Variants in HDAC9 observed in about 807,000 individuals in gnomAD.
HDAC9 encodes the protein MEF-2 interacting transcription repressor (MITR) protein.
Under a neutral mutation model 139.4 loss-of-function variants are expected in HDAC9, and 41 were observed. The ratio of observed to expected loss-of-function variants is 0.29; its 90% confidence interval spans 0.23 to 0.38. HDAC9 has a LOEUF of 0.38. Among genes scored for constraint, HDAC9 ranks in the 10% least tolerant of loss-of-function variants. The pLI is 1.00. For missense variants in HDAC9, 1,147 were observed against 1,297.0 expected (o/e 0.88, Z 1.78); for synonymous variants, 517 against 476.2 (o/e 1.09, Z -1.12).
chr7:18,355,171 T>C (rs1456909788), intron 1 of HDAC9, among the ~76,000 whole-genome samples: 1 of 152,172 alleles, frequency 6.6e-6, no homozygotes, highest in Non-Finnish European at 1.5e-5. Context: ...CTTCTCACCA[T>C]TTTTATACAT....
intron 2 of HDAC9, among the ~76,000 whole-genome samples, chr7:18,570,175 G>GAAAAAC (rs1365247711): frequency 6.6e-6 from 1 of 150,962 alleles, no homozygotes; most frequent in Admixed American, 6.6e-5. Flanking sequence ...GTGAATTTAA[G>GAAAAAC]AAAAACAAAA....
rs530653189 is a variant in HDAC9 at position 18,189,199 on chromosome 7, C to T, written c.25+26850C>T. On this transcript the variant is annotated intron_variant, in intron 2 of 12. Transcript: ENST00000417496. ...TGAGATCATGTCCTTTGCAGGGACA[C>T]GGATGAAGCTGGAAGCCATCATCCT... Among the ~76,000 whole-genome samples the T allele has an allele frequency of 2.8e-4, 42 of 152,116 alleles. 1 individual carries two copies. In the East Asian group the frequency reaches 7.0e-3, roughly 25 times the overall value.
At chr7:18,747,599 G>T (rs1788090764) in intron 13 of HDAC9, among the ~76,000 whole-genome samples, 1 of 152,180 alleles carries the variant, frequency 6.6e-6, no homozygotes, top group Non-Finnish European at 1.5e-5. Context: ...ACTAAGTGGA[G>T]ATTTTGGATG....
At chr7:18,111,677 T>C (rs1028947690) in intron 1 of HDAC9, among the ~76,000 whole-genome samples, 2 of 152,252 alleles carry the variant, frequency 1.3e-5, no homozygotes, top group African/African-American at 4.8e-5. Flanking sequence ...TATATTGTTA[T>C]TGCTTATTTA....
chr7:18,576,689 A>G lies in HDAC9; in HGVS notation c.23-8592A>G, dbSNP rs191755986. Among the ~76,000 whole-genome samples, 145 of 152,004 alleles carry G rather than the reference A, an allele frequency of 9.5e-4. 3 individuals are homozygous for G. The highest frequency in any genetic ancestry group is 9.5e-3 in the Admixed American group (145 of 15,256). ...AAAAAAAAAATCAGGAGTAGGAAAGATAATTTCTATCAATTAGATAATAAA... is the reference window on the plus strand; with the variant it reads ...AAAAAAAAAATCAGGAGTAGGAAAGGTAATTTCTATCAATTAGATAATAAA... On this transcript the variant is annotated intron_variant, in intron 2 of 25. Transcript: ENST00000686413.
intron 17 of HDAC9, among the ~76,000 whole-genome samples, chr7:18,818,214 C>T (rs1001531763): frequency 6.6e-6 from 1 of 152,224 alleles, no homozygotes; most frequent in East Asian, 1.9e-4. Context: ...TTAGAAGTAC[C>T]TTAGTGCTGA....
intron 2 of HDAC9, among the ~76,000 whole-genome samples, chr7:18,270,115 T>C (rs879937682): frequency 1.3e-5 from 2 of 152,082 alleles, no homozygotes; most frequent in Non-Finnish European, 2.9e-5. Context: ...TAGGCATTGC[T>C]AGATGTCCCC....
intron 12 of HDAC9, among the ~76,000 whole-genome samples, chr7:18,700,097 C>T (rs981003272): frequency 6.6e-6 from 1 of 151,966 alleles, no homozygotes; most frequent in African/African-American, 2.4e-5. Context: ...CACACTTGTC[C>T]TGGCATTGGA....
At chr7:18,933,521 T>C (rs1398657240) in intron 22 of HDAC9, among the ~76,000 whole-genome samples, 1 of 151,792 alleles carries the variant, frequency 6.6e-6, no homozygotes, top group African/African-American at 2.4e-5. Flanking sequence ...AGAATTTCCA[T>C]ATATAAATTT....
chr7:18,101,033 G>C (rs758979886), intron 1 of HDAC9, among the ~76,000 whole-genome samples: 23 of 152,076 alleles, frequency 1.5e-4, no homozygotes, highest in Non-Finnish European at 2.6e-4. Context: ...TGAGTGCTGG[G>C]TACTGTTCCC....
intron 6 of HDAC9, among the ~76,000 whole-genome samples, chr7:18,621,591 C>T (rs1475509351): frequency 6.6e-6 from 1 of 151,910 alleles, no homozygotes; most frequent in Non-Finnish European, 1.5e-5. Flanking sequence ...ATACATGTGC[C>T]TAGAAATTCC....
chr7:18,951,529 T>C (rs1782793532), intron 23 of HDAC9, among the ~76,000 whole-genome samples: 1 of 151,926 alleles, frequency 6.6e-6, no homozygotes, highest in East Asian at 1.9e-4. Flanking sequence ...GGGTGTGTAC[T>C]ATTTCCTACA....
At chr7:18,324,681 T>G (rs1253107071) in intron 1 of HDAC9, among the ~76,000 whole-genome samples, 1 of 152,182 alleles carries the variant, frequency 6.6e-6, no homozygotes, top group African/African-American at 2.4e-5. Context: ...TGCATTCTAA[T>G]AAGATTTATC....
Position 18,402,593 on chromosome 7 carries a change from A to G in HDAC9, c.-41-93669A>G, listed in dbSNP as rs79976545. Among the ~76,000 whole-genome samples the G allele has an allele frequency of 7.1e-3, 1,078 of 152,294 alleles. 37 individuals carry two copies. In the East Asian group the frequency reaches 0.11, roughly 16 times the overall value. ...CTAAGGAGCTGGACTTTTATCATGAATGTATCGGAGTGCCCTCAGAAGGTT... is the reference window on the plus strand; with the variant it reads ...CTAAGGAGCTGGACTTTTATCATGAGTGTATCGGAGTGCCCTCAGAAGGTT... On this transcript the variant is annotated intron_variant, in intron 1 of 3. Coordinates refer to the HDAC9 transcript ENST00000413509.
At chr7:18,434,445 A>G (rs1194227867) in intron 1 of HDAC9, among the ~76,000 whole-genome samples, 1 of 152,248 alleles carries the variant, frequency 6.6e-6, no homozygotes, top group East Asian at 1.9e-4. Flanking sequence ...AGCAAAAGAC[A>G]GTATCGACAG....
chr7:18,238,400 G>A lies in HDAC9; in HGVS notation c.25+76051G>A, dbSNP rs302133. On this transcript the variant is annotated intron_variant, in intron 2 of 12. Coordinates refer to the HDAC9 transcript ENST00000417496. The stretch of plus-strand genomic sequence containing the variant: ...CAGATTGTCTTTTAGTTCTTTGACC[G>A]ATGAACTTTCCACAGTGCCATAATT... Among the ~76,000 whole-genome samples, 1,044 of 152,256 alleles carry A rather than the reference G, an allele frequency of 6.9e-3. 9 individuals are homozygous for A. The highest frequency in any genetic ancestry group is 0.024 in the African/African-American group (999 of 41,542).
chr7:18,582,518 A>AT (rs776229512), intron 2 of HDAC9, among the ~76,000 whole-genome samples: 2 of 151,694 alleles, frequency 1.3e-5, no homozygotes, highest in African/African-American at 2.4e-5. Flanking sequence ...ATATATATAT[A>AT]TATTTTTTAA....
intron 2 of HDAC9, among the ~76,000 whole-genome samples, chr7:18,166,731 C>T (rs746561761): frequency 6.6e-6 from 1 of 152,266 alleles, no homozygotes; most frequent in African/African-American, 2.4e-5. Context: ...TTAAAATTTA[C>T]GAACTCTTTA....
At chr7:18,157,810 AG>A (rs1787323364) in intron 1 of HDAC9, among the ~76,000 whole-genome samples, 4 of 66,484 alleles carry the variant, frequency 6.0e-5, no homozygotes, top group African/African-American at 2.4e-4. Context: ...GGCATGAGAG[AG>A]AGAGAGAGAG....
Sources: allele counts gnomAD v4.1 joint callset (sites outside exome capture counted in the v4.1 genomes callset), GRCh38; gene constraint gnomAD v4.1.1; transcripts MANE v1.5; gene names NCBI Gene and HGNC (gene_info 2026-07-23, HGNC 2026-07-21).